The following PSMD14 variants were observed in gnomAD, a reference collection of about 807,000 sequenced individuals.
PSMD14 encodes ubiquitin C-terminal hydrolase PSMD14.
In PSMD14, 7 loss-of-function variants were observed where a neutral mutation model predicts 41.2. The ratio of observed to expected loss-of-function variants is 0.17; its 90% CI spans 0.10 to 0.32. PSMD14 has a LOEUF of 0.32. Among genes scored for constraint, PSMD14 ranks in the 10% least tolerant of loss-of-function variants. The probability of loss-of-function intolerance (pLI) is 1.00; values close to 1 mark genes in which losing one functional copy is unlikely to be tolerated. For missense variants in PSMD14, 139 were observed against 375.6 expected (o/e 0.37, Z 5.21); for synonymous variants, 114 against 122.3 (o/e 0.93, Z 0.45).
At chr2:161,359,571 C>T (rs1683260786) in intron 3 of PSMD14, among the ~76,000 whole-genome samples, 1 of 151,902 alleles carries the variant, frequency 6.6e-6, no homozygotes, top group South Asian at 2.1e-4. Flanking sequence ...GTGTATAGTG[C>T]ATTTTGCTCT....
chr2:161,323,108 A>G (rs1254296153), intron 3 of PSMD14, among the ~76,000 whole-genome samples: 1 of 152,192 alleles, frequency 6.6e-6, no homozygotes, highest in Non-Finnish European at 1.5e-5. Context: ...CTTAAACTCC[A>G]TAATCTACTT....
At chr2:161,378,460 T>C (rs1683531642) in intron 7 of PSMD14, among the ~76,000 whole-genome samples, 1 of 151,952 alleles carries the variant, frequency 6.6e-6, no homozygotes, top group Non-Finnish European at 1.5e-5. Flanking sequence ...ACATAAGTGG[T>C]AAAAATTTCT....
chr2:161,336,565 A>T (rs1241748369), intron 3 of PSMD14, among the ~76,000 whole-genome samples: 2 of 151,898 alleles, frequency 1.3e-5, no homozygotes, highest in South Asian at 2.1e-4. Context: ...TATATTTATT[A>T]TTTATTTATT....
chr2:161,394,238 C>G (rs537474766), intron 9 of PSMD14, among the ~76,000 whole-genome samples: 62 of 152,202 alleles, frequency 4.1e-4, no homozygotes, highest in African/African-American at 1.3e-3. Context: ...TCCCAAAGTG[C>G]TGGGATTACA....
chr2:161,371,125 G>A (rs1043138387), intron 6 of PSMD14, 47 bp from the exon 7 acceptor site: 3 of 1,571,120 alleles, frequency 1.9e-6, no homozygotes, highest in Non-Finnish European at 1.7e-6. Flanking sequence ...TATCATAAAT[G>A]TATTACTTGT....
intron 3 of PSMD14, among the ~76,000 whole-genome samples, chr2:161,362,555 C>G (rs979290109): frequency 6.6e-6 from 1 of 152,110 alleles, no homozygotes; most frequent in Admixed American, 6.6e-5. Context: ...ATATGGAATC[C>G]TATTTTCTGA....
chr2:161,354,496 A>G (rs1037008225), intron 3 of PSMD14, among the ~76,000 whole-genome samples: 8 of 32,778 alleles, frequency 2.4e-4, no homozygotes, highest in Non-Finnish European at 3.4e-4. Flanking sequence ...GTAGTCGAGC[A>G]TTGTGCTTGG....
chr2:161,402,632 C>T (rs1263680213), intron 10 of PSMD14, among the ~76,000 whole-genome samples: 1 of 151,762 alleles, frequency 6.6e-6, no homozygotes, highest in African/African-American at 2.4e-5. Context: ...CAGAGCAAGG[C>T]TCTGTCTCTT....
At chr2:161,331,955 A>G (rs1682797436) in intron 3 of PSMD14, among the ~76,000 whole-genome samples, 1 of 152,228 alleles carries the variant, frequency 6.6e-6, no homozygotes, top group Non-Finnish European at 1.5e-5. Flanking sequence ...TAGAGCTGGA[A>G]CACAACTTTT....
At chr2:161,387,004 C>G (rs1683644106) in intron 8 of PSMD14, among the ~76,000 whole-genome samples, 1 of 151,980 alleles carries the variant, frequency 6.6e-6, no homozygotes. Flanking sequence ...CCTTATAAAG[C>G]AGGTTCCAAA....
chr2:161,408,654 C>T, intron 10 of PSMD14, 183 bp from the exon 11 acceptor site: 1 of 513,282 alleles, frequency 1.9e-6, no homozygotes, highest in Non-Finnish European at 3.5e-6. Flanking sequence ...AATGATGATG[C>T]TGATAGTTTT....
chr2:161,331,021 A>G (rs575001178), intron 3 of PSMD14, among the ~76,000 whole-genome samples: 24 of 152,300 alleles, frequency 1.6e-4, no homozygotes, highest in African/African-American at 5.5e-4. Context: ...AAAGTTCACC[A>G]TTCTGTTTTA....
intron 3 of PSMD14, among the ~76,000 whole-genome samples, chr2:161,359,318 A>G (rs1371970341): frequency 1.3e-5 from 2 of 152,260 alleles, no homozygotes; most frequent in Admixed American, 1.3e-4. Flanking sequence ...ATAATTTTAT[A>G]TGCTTATATA....
intron 9 of PSMD14, among the ~76,000 whole-genome samples, chr2:161,393,500 TGATTTTGACAGG>T (rs1683743283): frequency 6.6e-6 from 1 of 152,088 alleles, no homozygotes; most frequent in Non-Finnish European, 1.5e-5. Flanking sequence ...GCCTTATAGG[TGATTTTGACAGG>T]CAGCTTATTT....
At chr2:161,333,987 C>T (rs1321324745) in intron 3 of PSMD14, among the ~76,000 whole-genome samples, 2 of 151,866 alleles carry the variant, frequency 1.3e-5, no homozygotes, top group South Asian at 2.1e-4. Flanking sequence ...GCTGAGATGG[C>T]GCCACTGCAC....
chr2:161,407,407 A>G (rs992333595), intron 10 of PSMD14: 1 of 152,092 alleles, frequency 6.6e-6, no homozygotes, highest in Non-Finnish European at 1.5e-5. Flanking sequence ...TGCATTTCCT[A>G]ATGATGTGTT....
intron 10 of PSMD14, among the ~76,000 whole-genome samples, chr2:161,402,323 A>G (rs1223467248): frequency 6.6e-6 from 1 of 152,252 alleles, no homozygotes; most frequent in Non-Finnish European, 1.5e-5. Flanking sequence ...CAAATCAGGT[A>G]TCTGATAAAG....
chr2:161,353,176 G>A, intron 3 of PSMD14, among the ~76,000 whole-genome samples: 1 of 152,002 alleles, frequency 6.6e-6, no homozygotes. Flanking sequence ...TGAAATCTTG[G>A]GTCCTTAAGA....
intron 3 of PSMD14, among the ~76,000 whole-genome samples, chr2:161,327,557 G>A (rs1682717288): frequency 6.6e-6 from 1 of 152,006 alleles, no homozygotes; most frequent in Admixed American, 6.6e-5. Context: ...AAATTTTTAT[G>A]TCTTTATGAC....
Sources: gnomAD v4.1 joint callset for allele counts (sites outside exome capture counted in the v4.1 genomes callset) on GRCh38, gnomAD v4.1.1 for gene constraint, MANE v1.5 for transcripts, NCBI Gene and HGNC (gene_info 2026-07-23, HGNC 2026-07-21) for gene names.